The following MTUS2 variants were observed in gnomAD, a reference collection of about 807,000 sequenced individuals.
The protein encoded by MTUS2 is microtubule-associated tumor suppressor candidate 2.
In MTUS2, 40 loss-of-function variants were observed where a neutral mutation model predicts 114.1. The observed-to-expected ratio is 0.35, with a 90% CI of 0.27 to 0.46. The LOEUF is 0.46. Among genes scored for constraint, MTUS2 ranks in the 20% least tolerant of loss-of-function variants. MTUS2 has a pLI of 1.00. For synonymous variants in MTUS2, 688 were observed against 672.0 expected (o/e 1.02, Z -0.37); for missense variants, 1,679 against 1,705.4 (o/e 0.98, Z 0.27).
chr13:28,987,516 T>C (rs982769398), intron 2 of MTUS2, among the ~76,000 whole-genome samples: 1 of 152,110 alleles, frequency 6.6e-6, no homozygotes, highest in African/African-American at 2.4e-5. Flanking sequence ...ACAGGACACT[T>C]TTAGGCTTGA....
intron 5 of MTUS2, among the ~76,000 whole-genome samples, chr13:29,197,781 G>A (rs900387679): frequency 1.8e-4 from 28 of 152,058 alleles, no homozygotes; most frequent in African/African-American, 6.8e-4. Flanking sequence ...ATCTCATTGT[G>A]GTTTTGATTT....
chr13:29,152,013 C>T (rs548153233), intron 5 of MTUS2, among the ~76,000 whole-genome samples: 55 of 151,966 alleles, frequency 3.6e-4, no homozygotes, highest in South Asian at 2.7e-3. Context: ...TGTCTTCGAT[C>T]GATTTTGGCA....
intron 2 of MTUS2, among the ~76,000 whole-genome samples, chr13:28,995,855 C>G (rs879910236): frequency 1.8e-4 from 27 of 152,142 alleles, no homozygotes; most frequent in East Asian, 3.9e-4. Flanking sequence ...GGGACAATTT[C>G]ACTTCCTCTT....
intron 8 of MTUS2, among the ~76,000 whole-genome samples, chr13:29,422,665 T>C (rs1167034183): frequency 6.9e-6 from 1 of 143,918 alleles, no homozygotes; most frequent in Non-Finnish European, 1.5e-5. Flanking sequence ...TTTTTTTTTT[T>C]TTTTTTTTGA....
At chr13:29,077,750 A>G (rs903816564) in intron 4 of MTUS2, among the ~76,000 whole-genome samples, 1 of 152,216 alleles carries the variant, frequency 6.6e-6, no homozygotes, top group African/African-American at 2.4e-5. Flanking sequence ...GAATTGGATT[A>G]ATATACATTT....
At chr13:29,169,328 C>T (rs554014737) in intron 5 of MTUS2, among the ~76,000 whole-genome samples, 5 of 151,976 alleles carry the variant, frequency 3.3e-5, no homozygotes, top group African/African-American at 7.2e-5. Flanking sequence ...ATGATTTATG[C>T]GTAGGTAAGA....
At chr13:29,343,691 AT>A (rs1366878549) in intron 7 of MTUS2, among the ~76,000 whole-genome samples, 6 of 77,996 alleles carry the variant, frequency 7.7e-5, no homozygotes, top group African/African-American at 1.7e-4. Context: ...CTTCTGCTGG[AT>A]TTCAGTTTGG....
intron 6 of MTUS2, among the ~76,000 whole-genome samples, chr13:29,288,242 A>T (rs1010255638): frequency 2.6e-5 from 4 of 152,140 alleles, no homozygotes; most frequent in Non-Finnish European, 5.9e-5. Flanking sequence ...AATGGAGGCA[A>T]TGGGGATGTG....
chr13:28,905,354 C>T lies in MTUS2; in HGVS notation c.-243+65504C>T, dbSNP rs924858912. 2.2e-4 allele frequency among the ~76,000 whole-genome samples: 33 copies of T among 151,418 alleles called. 1 individual carries two copies. The highest frequency in any genetic ancestry group is 4.1e-4 in the Non-Finnish European group (28 of 67,938). On this transcript the variant is annotated intron_variant, in intron 2 of 15. Coordinates refer to ENST00000612955, the MANE Select transcript of MTUS2 (RefSeq NM_001033602.4). ...TGCCTCTTTTCGAAGGGAATGCTTC[C>T]GGTTTTTGTCCATTCAGTATGATAT...
chr13:28,913,044 G>T (rs1400284929), intron 2 of MTUS2, among the ~76,000 whole-genome samples: 1 of 152,018 alleles, frequency 6.6e-6, no homozygotes. Context: ...GATATAGGAT[G>T]ATGTCATTTG....
At chr13:29,124,823 G>A (rs1022361751) in intron 5 of MTUS2, among the ~76,000 whole-genome samples, 1 of 152,178 alleles carries the variant, frequency 6.6e-6, no homozygotes, top group Non-Finnish European at 1.5e-5. Flanking sequence ...AGTGAAATAA[G>A]CCAGACACAA....
At chr13:29,442,595 G>T (rs1033987906) in intron 9 of MTUS2, among the ~76,000 whole-genome samples, 1 of 150,436 alleles carries the variant, frequency 6.6e-6, no homozygotes. Flanking sequence ...GTGAGCTAGT[G>T]ATGAGCTAAT....
At chr13:29,103,368 A>G (rs1028964876) in intron 5 of MTUS2, among the ~76,000 whole-genome samples, 4 of 152,228 alleles carry the variant, frequency 2.6e-5, no homozygotes, top group Admixed American at 2.0e-4. Context: ...AAACCTATAG[A>G]GCATTTACTG....
chr13:28,914,484 A>G (rs924260775), intron 2 of MTUS2, among the ~76,000 whole-genome samples: 1 of 151,786 alleles, frequency 6.6e-6, no homozygotes, highest in Admixed American at 6.6e-5. Flanking sequence ...CTTCTTTTCC[A>G]TTTTCTGAGG....
chr13:29,443,919 C>A (rs1481594187), intron 9 of MTUS2, among the ~76,000 whole-genome samples: 4 of 152,034 alleles, frequency 2.6e-5, no homozygotes, highest in Non-Finnish European at 5.9e-5. Flanking sequence ...TGAATTCAGA[C>A]AAGGAAGAAG....
At chr13:29,212,674 A>G (rs1327809574) in intron 5 of MTUS2, among the ~76,000 whole-genome samples, 1 of 152,278 alleles carries the variant, frequency 6.6e-6, no homozygotes, top group East Asian at 1.9e-4. Context: ...TATAAAGGAT[A>G]TTATAAAGGA....
intron 7 of MTUS2, among the ~76,000 whole-genome samples, chr13:29,346,780 A>G (rs755182620): frequency 2.1e-5 from 3 of 145,688 alleles, no homozygotes; most frequent in Non-Finnish European, 4.4e-5. Flanking sequence ...CTCCCCAAGA[A>G]CTCCTGAGAG....
intron 15 of MTUS2, among the ~76,000 whole-genome samples, chr13:29,502,761 C>G (rs1259795949): frequency 6.6e-6 from 1 of 152,212 alleles, no homozygotes; most frequent in Non-Finnish European, 1.5e-5. Flanking sequence ...CCTGACCGGG[C>G]AGAGGGCCTG....
rs1339808537 is a variant in MTUS2 at position 29,467,197 on chromosome 13, C to T, written c.3185-12953C>T. On this transcript the variant is annotated intron_variant, in intron 9 of 15. Transcript: ENST00000612955. ...AACCCCACAGGGCAATTCTACATAG[C>T]GAAGAGTGGTCGCAAACTTAAAACT... Among the ~76,000 whole-genome samples, 6 of 152,072 alleles carry T rather than the reference C, an allele frequency of 3.9e-5. No homozygotes were observed. In the East Asian group the frequency reaches 5.8e-4, roughly 15 times the overall value.
Sources: gnomAD v4.1 joint callset for allele counts (sites outside exome capture counted in the v4.1 genomes callset) on GRCh38, gnomAD v4.1.1 for gene constraint, MANE v1.5 for transcripts, NCBI Gene and HGNC (gene_info 2026-07-23, HGNC 2026-07-21) for gene names.